FHIT: variants seen among roughly 807,000 people sequenced by gnomAD.
FHIT encodes fragile histidine triad diadenosine triphosphatase.
A neutral mutation model predicts 17.9 loss-of-function variants in FHIT; 19 were observed. The ratio of observed to expected loss-of-function variants is 1.06; its 90% CI spans 0.74 to 1.56. The LOEUF is 1.56. Among genes scored for constraint, FHIT ranks in the 40% most tolerant of loss-of-function variants. The pLI, the probability that FHIT is intolerant of heterozygous loss-of-function variation, is 0.00. For missense variants in FHIT, 248 were observed against 189.2 expected (o/e 1.31, Z -1.82); for synonymous variants, 81 against 69.7 (o/e 1.16, Z -0.81).
At chr3:60,471,290 T>C (rs970541210) in intron 5 of FHIT, among the ~76,000 whole-genome samples, 9 of 152,338 alleles carry the variant, frequency 5.9e-5, no homozygotes, top group Admixed American at 5.9e-4. Context: ...GGACTTTCCT[T>C]GCAGTCCTTG....
chr3:60,643,494 A>G (rs966360899), intron 4 of FHIT, among the ~76,000 whole-genome samples: 37 of 152,340 alleles, frequency 2.4e-4, no homozygotes, highest in African/African-American at 8.9e-4. Flanking sequence ...ACCCGACTTC[A>G]GACTATACTA....
chr3:59,921,397 A>G (rs1705396731), intron 8 of FHIT, among the ~76,000 whole-genome samples: 1 of 152,228 alleles, frequency 6.6e-6, no homozygotes, highest in South Asian at 2.1e-4. Flanking sequence ...TAAACAATCG[A>G]GATAAACAAT....
chr3:61,081,235 A>G (rs918001786), intron 2 of FHIT, among the ~76,000 whole-genome samples: 8 of 152,160 alleles, frequency 5.3e-5, no homozygotes, highest in Non-Finnish European at 1.0e-4. Context: ...GTGCCCCACA[A>G]CTTGGAAAAA....
chr3:59,848,712 T>C (rs993171290), intron 8 of FHIT, among the ~76,000 whole-genome samples: 2 of 152,226 alleles, frequency 1.3e-5, no homozygotes, highest in African/African-American at 4.8e-5. Flanking sequence ...ATAATGCCAT[T>C]CAACTTGCTG....
chr3:61,195,432 T>C (rs1202286275), intron 2 of FHIT, among the ~76,000 whole-genome samples: 1 of 152,162 alleles, frequency 6.6e-6, no homozygotes, highest in Admixed American at 6.5e-5. Context: ...TTGCTGATGG[T>C]AGTGGTGGTG....
At chr3:61,204,675 C>A (rs2039151478) in intron 1 of FHIT, among the ~76,000 whole-genome samples, 1 of 151,808 alleles carries the variant, frequency 6.6e-6, no homozygotes, top group Non-Finnish European at 1.5e-5. Flanking sequence ...TTATAAGAAA[C>A]AAATTTAAAC....
chr3:59,922,295 C>A, intron 8 of FHIT, 51 bp downstream of exon 8: 1 of 1,411,138 alleles, frequency 7.1e-7, no homozygotes, highest in East Asian at 2.3e-5. Flanking sequence ...TGATGTCATC[C>A]CACCGACAGT....
intron 7 of FHIT, among the ~76,000 whole-genome samples, chr3:59,965,918 A>G (rs1246909349): frequency 6.6e-6 from 1 of 152,196 alleles, no homozygotes; most frequent in Non-Finnish European, 1.5e-5. Flanking sequence ...ACTGATGACC[A>G]AGACAGACTG....
At chr3:61,064,731 A>G (rs1383516157) in intron 2 of FHIT, among the ~76,000 whole-genome samples, 2 of 152,176 alleles carry the variant, frequency 1.3e-5, no homozygotes, top group Admixed American at 6.5e-5. Context: ...GCTTTTCAAG[A>G]TGGATGAAAT....
intron 5 of FHIT, among the ~76,000 whole-genome samples, chr3:60,300,401 A>C (rs1304752348): frequency 6.6e-6 from 1 of 152,178 alleles, no homozygotes; most frequent in Non-Finnish European, 1.5e-5. Flanking sequence ...GAAGGGTTAC[A>C]AAGTGGGGAG....
At chr3:60,098,578 G>A (rs1445699549) in intron 5 of FHIT, among the ~76,000 whole-genome samples, 1 of 151,898 alleles carries the variant, frequency 6.6e-6, no homozygotes, top group Non-Finnish European at 1.5e-5. Flanking sequence ...TTTTTTTCTT[G>A]TAAATTTGTT....
At chr3:60,012,429 T>C (rs964721143) in intron 6 of FHIT, among the ~76,000 whole-genome samples, 2 of 151,852 alleles carry the variant, frequency 1.3e-5, no homozygotes, top group Non-Finnish European at 2.9e-5. Flanking sequence ...CCATCATGCC[T>C]GGCTAATTTT....
At chr3:59,887,294 G>A (rs753912592) in intron 8 of FHIT, among the ~76,000 whole-genome samples, 6 of 152,146 alleles carry the variant, frequency 3.9e-5, no homozygotes, top group Non-Finnish European at 7.4e-5. Context: ...TCTGTTCGCT[G>A]GAGTCTGAGC....
intron 5 of FHIT, among the ~76,000 whole-genome samples, chr3:60,488,546 G>C (rs2033935550): frequency 6.6e-6 from 1 of 152,118 alleles, no homozygotes; most frequent in African/African-American, 2.4e-5. Flanking sequence ...TTGGTTCTGT[G>C]GTTGCTTAGA....
At chr3:59,824,106 A>C (rs1470215996) in intron 8 of FHIT, among the ~76,000 whole-genome samples, 1 of 152,234 alleles carries the variant, frequency 6.6e-6, no homozygotes, top group African/African-American at 2.4e-5. Context: ...ATTCCTGCAA[A>C]AAATAAAATA....
chr3:59,917,294 A>G (rs895440248), intron 8 of FHIT, among the ~76,000 whole-genome samples: 1 of 152,244 alleles, frequency 6.6e-6, no homozygotes, highest in Non-Finnish European at 1.5e-5. Flanking sequence ...TTCCTTCATC[A>G]GTAATGGGTT....
chr3:60,571,009 G>T (rs555418576), intron 4 of FHIT, among the ~76,000 whole-genome samples: 2 of 151,992 alleles, frequency 1.3e-5, no homozygotes, highest in East Asian at 3.9e-4. Flanking sequence ...TAAATAAATG[G>T]CACAACCACA....
intron 5 of FHIT, among the ~76,000 whole-genome samples, chr3:60,522,489 A>G (rs2035409632): frequency 6.6e-6 from 1 of 152,328 alleles, no homozygotes; most frequent in African/African-American, 2.4e-5. Flanking sequence ...TCAGCTACAT[A>G]GTGGTAGACT....
At chr3:61,190,944 G>T (rs2038695347) in intron 2 of FHIT, among the ~76,000 whole-genome samples, 2 of 119,518 alleles carry the variant, frequency 1.7e-5, no homozygotes, top group Non-Finnish European at 3.4e-5. Flanking sequence ...GGTGGGGGGA[G>T]GGAAGAGGGA....
Sources: allele counts gnomAD v4.1 joint callset (sites outside exome capture counted in the v4.1 genomes callset), GRCh38; gene constraint gnomAD v4.1.1; transcripts MANE v1.5; gene names NCBI Gene and HGNC (gene_info 2026-07-23, HGNC 2026-07-21).